CSMD1: variants seen among roughly 807,000 people sequenced by gnomAD.
CSMD1 encodes the protein CUB and Sushi multiple domains 1, also known as CUB and sushi domain-containing protein 1.
In CSMD1, 213 loss-of-function variants were observed where a neutral mutation model predicts 417.5. The observed-to-expected ratio is 0.51, with a 90% CI of 0.46 to 0.57. The LOEUF (loss-of-function observed/expected upper bound fraction) is 0.57, where lower values mean the gene tolerates loss of function less well. Ranked by LOEUF, CSMD1 falls within the 20% of genes least tolerant of loss-of-function variation. The probability of loss-of-function intolerance (pLI) is 0.00; values close to 1 mark genes in which losing one functional copy is unlikely to be tolerated. For synonymous variants in CSMD1, 2,862 were observed against 1,736.8 expected, an observed-to-expected ratio of 1.65 and a Z score of -16.11; for missense variants, 6,923 against 4,529.7, an observed-to-expected ratio of 1.53 and a Z score of -15.17.
At chr8:4,529,021 G>A (rs1320494728) in intron 2 of CSMD1, among the ~76,000 whole-genome samples, 1 of 152,140 alleles carries the variant, frequency 6.6e-6, no homozygotes, top group Non-Finnish European at 1.5e-5. Context: ...TTTTCTTTGT[G>A]ATGATATATG....
rs188987179 is a variant in CSMD1 at position 4,051,595 on chromosome 8, A to G, written c.416-19496T>C. Among the ~76,000 whole-genome samples the G allele has an allele frequency of 1.3e-3, 198 of 152,298 alleles. 1 individual carries two copies. Among genetic ancestry groups the G allele is most frequent in the African/African-American group, 4.4e-3 (184 of 41,574 alleles). On this transcript the variant is annotated intron_variant, in intron 3 of 69. Coordinates refer to ENST00000635120, the MANE Select transcript of CSMD1 (RefSeq NM_033225.6). ...CTCTGTCAACGTCCTCAGAAGTGCT[A>G]AGTGCACAGCGGGGCTTGTAGGTTT...
chr8:4,326,975 TGAAG>T (rs111799183), intron 3 of CSMD1, among the ~76,000 whole-genome samples: 2 of 151,998 alleles, frequency 1.3e-5, no homozygotes, highest in African/African-American at 4.8e-5. Flanking sequence ...AATAGGTTAA[TGAAG>T]GAACCTGAGA....
At chr8:4,932,611 C>T (rs1276189002) in intron 1 of CSMD1, among the ~76,000 whole-genome samples, 2 of 152,164 alleles carry the variant, frequency 1.3e-5, no homozygotes, top group Non-Finnish European at 2.9e-5. Flanking sequence ...ATAGACCCAA[C>T]AGGGTAGCAA....
At chr8:3,757,399 C>T (rs374476460) in intron 5 of CSMD1, among the ~76,000 whole-genome samples, 46 of 152,274 alleles carry the variant, frequency 3.0e-4, no homozygotes, top group Middle Eastern at 3.4e-3. Flanking sequence ...ACTTTATTTA[C>T]GGACACTGAG....
intron 1 of CSMD1, among the ~76,000 whole-genome samples, chr8:4,873,931 AG>A (rs1357106529): frequency 6.6e-6 from 1 of 152,178 alleles, no homozygotes; most frequent in African/African-American, 2.4e-5. Flanking sequence ...GAAGTATGGA[AG>A]GGGAAAAAAA....
intron 18 of CSMD1, among the ~76,000 whole-genome samples, chr8:3,381,189 T>C (rs1028751761): frequency 1.3e-4 from 20 of 152,020 alleles, no homozygotes; most frequent in African/African-American, 4.6e-4. Flanking sequence ...TTTCAATCTT[T>C]ACAGGTATGA....
At chr8:4,834,618 T>G (rs371434382) in intron 1 of CSMD1, among the ~76,000 whole-genome samples, 1 of 151,466 alleles carries the variant, frequency 6.6e-6, no homozygotes, top group Non-Finnish European at 1.5e-5. Flanking sequence ...GGATAAAGAA[T>G]GGCAGAGGAA....
At chr8:3,969,435 G>A (rs1409379185) in intron 5 of CSMD1, among the ~76,000 whole-genome samples, 1 of 152,126 alleles carries the variant, frequency 6.6e-6, no homozygotes, top group Non-Finnish European at 1.5e-5. Context: ...CTGGAGATGG[G>A]TGGTCATGGT....
intron 5 of CSMD1, among the ~76,000 whole-genome samples, chr8:3,894,360 G>A (rs2627432): frequency 0.096 from 14,596 of 151,980 alleles, 944 homozygotes; most frequent in African/African-American, 0.18. Flanking sequence ...GGATTAAATG[G>A]GTGTTGCAAC....
chr8:3,176,912 G>A (rs1057143007), intron 37 of CSMD1, among the ~76,000 whole-genome samples: 2 of 151,868 alleles, frequency 1.3e-5, no homozygotes, highest in African/African-American at 4.8e-5. Context: ...CTGTGTAGGT[G>A]GGACTACAGG....
intron 3 of CSMD1, among the ~76,000 whole-genome samples, chr8:4,178,915 A>G (rs1798201665): frequency 6.6e-6 from 1 of 152,176 alleles, no homozygotes; most frequent in Non-Finnish European, 1.5e-5. Flanking sequence ...CCACTGCTCA[A>G]TGAAATAAGA....
At chr8:4,276,405 A>T (rs570320962) in intron 3 of CSMD1, among the ~76,000 whole-genome samples, 3 of 152,164 alleles carry the variant, frequency 2.0e-5, no homozygotes, top group Admixed American at 6.5e-5. Context: ...GTTTTCACTC[A>T]TAAGTGGGAG....
intron 8 of CSMD1, among the ~76,000 whole-genome samples, chr8:3,615,762 A>AT (rs1036647482): frequency 1.8e-4 from 27 of 151,820 alleles, no homozygotes; most frequent in South Asian, 6.2e-4. Context: ...CTTTTTTTGG[A>AT]TTTTTTTCAA....
intron 2 of CSMD1, among the ~76,000 whole-genome samples, chr8:4,537,266 A>G (rs1157700790): frequency 6.6e-6 from 1 of 152,192 alleles, no homozygotes. Context: ...ATTTTTAGAA[A>G]TAAATTATCC....
At chr8:4,191,280 C>T (rs1451225073) in intron 3 of CSMD1, among the ~76,000 whole-genome samples, 2 of 151,978 alleles carry the variant, frequency 1.3e-5, no homozygotes, top group Non-Finnish European at 2.9e-5. Context: ...CCTGTAGTCC[C>T]AGCTACTCGG....
chr8:4,052,519 T>C (rs1798486330), intron 3 of CSMD1, among the ~76,000 whole-genome samples: 1 of 152,024 alleles, frequency 6.6e-6, no homozygotes, highest in South Asian at 2.1e-4. Context: ...ATCTCCAAAT[T>C]TAGTTTGCTA....
chr8:4,457,154 G>A (rs1161969610), intron 2 of CSMD1, among the ~76,000 whole-genome samples: 1 of 152,032 alleles, frequency 6.6e-6, no homozygotes, highest in Non-Finnish European at 1.5e-5. Context: ...TTGATACCAT[G>A]ATTTGGGTTT....
At chr8:3,219,209 T>A in intron 29 of CSMD1, 46 bp downstream of exon 29, 4 of 1,471,650 alleles carry the variant, frequency 2.7e-6, no homozygotes, top group Non-Finnish European at 3.7e-6. Context: ...ATAAAAACAG[T>A]CCTGATACAA....
At chr8:3,844,920 C>T (rs200022404) in intron 5 of CSMD1, among the ~76,000 whole-genome samples, 1 of 152,072 alleles carries the variant, frequency 6.6e-6, no homozygotes, top group African/African-American at 2.4e-5. Flanking sequence ...CATTTAAAAA[C>T]TGCCATCAGA....
Sources: allele counts gnomAD v4.1 joint callset (sites outside exome capture counted in the v4.1 genomes callset), GRCh38; gene constraint gnomAD v4.1.1; transcripts MANE v1.5; gene names NCBI Gene and HGNC (gene_info 2026-07-23, HGNC 2026-07-21).